Variants in CD247 observed in about 807,000 individuals in gnomAD.
CD247 encodes the protein CD247 molecule.
CD247 carries 13 observed loss-of-function variants against 30.0 expected under a neutral mutation model. The observed-to-expected ratio is 0.43, with a 90% CI of 0.28 to 0.69. The LOEUF is 0.69. Among genes scored for constraint, CD247 ranks in the 30% least tolerant of loss-of-function variants. CD247 has a pLI of 0.16. For synonymous variants in CD247, 72 were observed against 80.0 expected, an observed-to-expected ratio of 0.90 and a Z score of 0.53; for missense variants, 193 against 212.6, an observed-to-expected ratio of 0.91 and a Z score of 0.57.
Position 167,431,726 on chromosome 1 carries a change from C to A in CD247, c.450G>T (p.Lys150Asn). ...GCATGTGAAGGGCGTCGTAGGTGTC[C>A]TTGGTGGCTGTACTGAGACCCTGGC... ...GLYQGLSTAT[K>N]DTYDALHMQA... The change falls in exon 8 of 8, where the codon AAG becomes AAT. Residue 150 changes from lysine to asparagine, a missense_variant. By Grantham distance (94) the Lys-to-Asn change is moderately conservative (BLOSUM62 0). Coordinates refer to ENST00000362089, the MANE Select transcript of CD247 (RefSeq NM_198053.3). 1 of 1,613,946 alleles carries A rather than the reference C, an allele frequency of 6.2e-7. No homozygotes were observed. The highest frequency in any genetic ancestry group is 8.5e-7 in the Non-Finnish European group (1 of 1,179,938).
intron 1 of CD247, among the ~76,000 whole-genome samples, chr1:167,493,753 G>A (rs1434181181): frequency 2.0e-5 from 3 of 152,162 alleles, no homozygotes; most frequent in East Asian, 1.9e-4. Context: ...TGACGTGTCC[G>A]AGGCCCCACA....
At chr1:167,510,166 A>G (rs1571602990) in intron 1 of CD247, among the ~76,000 whole-genome samples, 1 of 152,178 alleles carries the variant, frequency 6.6e-6, no homozygotes, top group South Asian at 2.1e-4. Flanking sequence ...CTCCTCCTAA[A>G]CACACACACC....
At chr1:167,433,210 A>G in intron 6 of CD247, 151 bp from the exon 7 acceptor site, 1 of 783,922 alleles carries the variant, frequency 1.3e-6, no homozygotes, top group Non-Finnish European at 2.2e-6. Context: ...AAGGATCCTC[A>G]GGCCCCTGGT....
chr1:167,435,388 C>T lies in CD247; in HGVS notation c.336+11G>A, dbSNP rs750564983. 6.2e-7 allele frequency: 1 copy of T among 1,603,638 alleles called. No homozygotes were observed. Among genetic ancestry groups the T allele is most frequent in the East Asian group, 2.2e-5 (1 of 44,840 alleles). ...CTTTCCAAGGTCAAATGTGAGGTCT[C>T]CTCTACTCACATTGTACAGGCCTTC... On this transcript the variant is annotated intron_variant, in intron 5 of 7. Transcript: ENST00000362089.
intron 2 of CD247, chr1:167,439,699 T>G (rs1571514223): frequency 2.2e-6 from 1 of 456,216 alleles, no homozygotes; most frequent in Non-Finnish European, 4.0e-6. Context: ...AGGTATAAGG[T>G]TCTTGGTCTG....
intron 1 of CD247, among the ~76,000 whole-genome samples, chr1:167,451,180 G>A (rs570697472): frequency 6.6e-6 from 1 of 152,114 alleles, no homozygotes; most frequent in Non-Finnish European, 1.5e-5. Context: ...GAAAGAGGGC[G>A]ACAAGCGTGT....
chr1:167,479,011 A>G (rs192436701), intron 1 of CD247, among the ~76,000 whole-genome samples: 21 of 152,376 alleles, frequency 1.4e-4, no homozygotes, highest in Admixed American at 3.9e-4. Flanking sequence ...TTCATAATGG[A>G]AAAACATTTT....
chr1:167,499,328 G>A (rs963299224), intron 1 of CD247, among the ~76,000 whole-genome samples: 7 of 152,188 alleles, frequency 4.6e-5, no homozygotes, highest in Non-Finnish European at 7.3e-5. Context: ...TGCAGAGGTC[G>A]AGAAACCCTG....
intron 1 of CD247, among the ~76,000 whole-genome samples, chr1:167,473,948 C>T (rs116567575): frequency 5.3e-4 from 80 of 152,248 alleles, no homozygotes; most frequent in Non-Finnish European, 8.1e-4. Flanking sequence ...GATGGCTGCT[C>T]CTGGCCTGTG....
At chr1:167,481,353 C>T (rs995410655) in intron 1 of CD247, among the ~76,000 whole-genome samples, 3 of 152,162 alleles carry the variant, frequency 2.0e-5, no homozygotes, top group African/African-American at 2.4e-5. Flanking sequence ...AATACTAAAA[C>T]TTGGAAATAG....
chr1:167,439,364 CCTG>C lies in CD247; in HGVS notation c.196_198del (p.Gln66del). 1 of 1,614,174 alleles carries C rather than the reference CCTG, an allele frequency of 6.2e-7. No individual in the cohort carries two copies. The highest frequency in any genetic ancestry group is 1.3e-5 in the African/African-American group (1 of 75,050). On this transcript the variant is annotated inframe_deletion, in exon 3 of 8. Transcript: ENST00000362089. ...CTTACGTTATAGAGCTGGTTCTGGC[CCTG>C]CTGGTACGCGGGGGCGTCTGCGCTC... is the stretch of plus-strand genomic sequence containing the variant.
Position 167,478,111 on chromosome 1 carries a change from G to C in CD247, c.59-37344C>G, listed in dbSNP as rs575099132. ...AAAAGGCCAGACGAGCCAGACCATA[G>C]AGCTGTGAGGGGCTGAAGAATGTGG... is the stretch of plus-strand genomic sequence containing the variant. On this transcript the variant is annotated intron_variant, in intron 1 of 7. Transcript: ENST00000362089. Among the ~76,000 whole-genome samples the C allele has an allele frequency of 8.5e-5, 13 of 152,344 alleles. No homozygotes were observed. The South Asian group carries it at 2.5e-3, about 29-fold the overall frequency.
intron 1 of CD247, among the ~76,000 whole-genome samples, chr1:167,451,132 G>A (rs568650370): frequency 1.1e-4 from 16 of 151,958 alleles, no homozygotes; most frequent in Admixed American, 6.5e-4. Context: ...GCAAGCAGGG[G>A]TAGGTAGCAT....
At chr1:167,509,826 G>A (rs1003306560) in intron 1 of CD247, among the ~76,000 whole-genome samples, 13 of 152,290 alleles carry the variant, frequency 8.5e-5, no homozygotes, top group African/African-American at 2.2e-4. Flanking sequence ...CGCAGGTGGG[G>A]GATGGAGTGG....
intron 1 of CD247, among the ~76,000 whole-genome samples, chr1:167,450,423 G>A (rs1281078174): frequency 6.6e-6 from 1 of 152,120 alleles, no homozygotes; most frequent in Non-Finnish European, 1.5e-5. Context: ...GAGCCCAGGA[G>A]GTCAAAACTG....
chr1:167,486,208 C>T (rs1654200878), intron 1 of CD247, among the ~76,000 whole-genome samples: 1 of 152,236 alleles, frequency 6.6e-6, no homozygotes, highest in African/African-American at 2.4e-5. Flanking sequence ...TGGTTTGGTT[C>T]TTGCACCAGC....
At chr1:167,458,570 ACTTTTACTC>A (rs1257609783) in intron 1 of CD247, 1 of 152,026 alleles carries the variant, frequency 6.6e-6, no homozygotes, top group Non-Finnish European at 1.5e-5. Context: ...AGCTTGACGA[ACTTTTACTC>A]ATCTTTCAAG....
At chr1:167,481,195 G>A (rs1466411626) in intron 1 of CD247, among the ~76,000 whole-genome samples, 1 of 152,162 alleles carries the variant, frequency 6.6e-6, no homozygotes, top group East Asian at 1.9e-4. Context: ...GCTGAGGTGG[G>A]AGGATCACTT....
At chr1:167,499,998 C>T (rs1654839085) in intron 1 of CD247, among the ~76,000 whole-genome samples, 1 of 152,180 alleles carries the variant, frequency 6.6e-6, no homozygotes, top group Non-Finnish European at 1.5e-5. Context: ...GCTTCTCCTC[C>T]CTGGGGCACG....
Sources: gnomAD v4.1 joint callset for allele counts (sites outside exome capture counted in the v4.1 genomes callset) on GRCh38, gnomAD v4.1.1 for gene constraint, MANE v1.5 for transcripts, NCBI Gene and HGNC (gene_info 2026-07-23, HGNC 2026-07-21) for gene names.